CDKAL1: variants seen among roughly 807,000 people sequenced by gnomAD.
The protein encoded by CDKAL1 is CDKAL1 threonylcarbamoyladenosine tRNA methylthiotransferase, also known as threonylcarbamoyladenosine tRNA methylthiotransferase.
CDKAL1 carries 32 observed loss-of-function variants against 68.2 expected under a neutral mutation model. The observed-to-expected ratio is 0.47, with a 90% CI of 0.35 to 0.63. CDKAL1 has a LOEUF of 0.63. Among genes scored for constraint, CDKAL1 ranks in the 30% least tolerant of loss-of-function variants. The probability of loss-of-function intolerance (pLI) is 0.00; values close to 1 mark genes in which losing one functional copy is unlikely to be tolerated. For synonymous variants in CDKAL1, 234 were observed against 244.3 expected, an observed-to-expected ratio of 0.96 and a Z score of 0.39; for missense variants, 606 against 696.7, an observed-to-expected ratio of 0.87 and a Z score of 1.47.
chr6:21,135,425 TC>T, intron 13 of CDKAL1, among the ~76,000 whole-genome samples: 1 of 152,184 alleles, frequency 6.6e-6, no homozygotes, highest in Non-Finnish European at 1.5e-5. Flanking sequence ...TCTGCTACAT[TC>T]ATGAGAGTAT....
At chr6:21,199,035 CTGGATTGT>C (rs1778584613) in intron 14 of CDKAL1, among the ~76,000 whole-genome samples, 1 of 152,222 alleles carries the variant, frequency 6.6e-6, no homozygotes, top group Non-Finnish European at 1.5e-5. Context: ...ACTGATCATT[CTGGATTGT>C]ATTAAAATCA....
chr6:20,802,960 T>C (rs1209194600), intron 8 of CDKAL1, among the ~76,000 whole-genome samples: 1 of 152,190 alleles, frequency 6.6e-6, no homozygotes, highest in Admixed American at 6.5e-5. Context: ...TAACATGTTA[T>C]CTTGACAGAT....
intron 9 of CDKAL1, among the ~76,000 whole-genome samples, chr6:20,942,697 C>A (rs1764043939): frequency 6.7e-6 from 1 of 148,318 alleles, no homozygotes; most frequent in Non-Finnish European, 1.5e-5. Flanking sequence ...TGGCTCATGC[C>A]TGTAATGCCA....
intron 11 of CDKAL1, among the ~76,000 whole-genome samples, chr6:21,028,587 A>G (rs1190204261): frequency 1.3e-5 from 2 of 152,076 alleles, no homozygotes; most frequent in African/African-American, 2.4e-5. Flanking sequence ...AAGGACACCA[A>G]TTCTATCAGC....
chr6:21,172,692 G>T (rs1012200382), intron 13 of CDKAL1, among the ~76,000 whole-genome samples: 1 of 152,176 alleles, frequency 6.6e-6, no homozygotes, highest in Non-Finnish European at 1.5e-5. Flanking sequence ...AGGATTTGAG[G>T]CTGCAGTGAG....
rs185625307 is a variant in CDKAL1 at position 20,797,801 on chromosome 6, T to G, written c.638+16536T>G. Among the ~76,000 whole-genome samples, 280 of 148,300 alleles carry G rather than the reference T, an allele frequency of 1.9e-3. 1 individual carries two copies. The highest frequency in any genetic ancestry group is 6.5e-3 in the African/African-American group (259 of 39,866). On this transcript the variant is annotated intron_variant, in intron 8 of 15. Transcript: ENST00000274695. ...TTTATTTTATTTTATTTTATTTTAT[T>G]TTATTTTATTTTATTTTATTTTATT...
intron 9 of CDKAL1, among the ~76,000 whole-genome samples, chr6:20,863,255 G>T (rs1008945478): frequency 6.6e-6 from 1 of 151,886 alleles, no homozygotes; most frequent in Non-Finnish European, 1.5e-5. Flanking sequence ...TTGTATTTTG[G>T]TCTCAGTTCT....
chr6:20,778,730 A>C (rs1775285550), intron 7 of CDKAL1, among the ~76,000 whole-genome samples: 1 of 152,198 alleles, frequency 6.6e-6, no homozygotes, highest in Non-Finnish European at 1.5e-5. Context: ...TTCAGTGTGA[A>C]TCTGAAAGCC....
At chr6:21,214,433 C>T (rs1344339344) in intron 15 of CDKAL1, among the ~76,000 whole-genome samples, 2 of 152,028 alleles carry the variant, frequency 1.3e-5, no homozygotes, top group African/African-American at 4.8e-5. Context: ...GGTCCCATGC[C>T]TTGACCTCTC....
At chr6:21,080,890 C>T (rs1443594112) in intron 12 of CDKAL1, among the ~76,000 whole-genome samples, 2 of 152,142 alleles carry the variant, frequency 1.3e-5, no homozygotes, top group Non-Finnish European at 2.9e-5. Context: ...ATGTGACTCT[C>T]CTGTTAATTA....
chr6:20,635,265 TCTCC>T (rs1767853578), intron 4 of CDKAL1, among the ~76,000 whole-genome samples: 2 of 152,238 alleles, frequency 1.3e-5, no homozygotes, highest in African/African-American at 4.8e-5. Context: ...AGGGTATTTT[TCTCC>T]CTCCCTTTTT....
At position 20,741,386 on chromosome 6, in the gene CDKAL1, G is replaced by A. The variant is rs1371326274; in HGVS notation, c.468+1771G>A. Among the ~76,000 whole-genome samples, 3 of 151,980 alleles carry A rather than the reference G, an allele frequency of 2.0e-5. No homozygotes were observed. The East Asian group carries it at 5.8e-4, about 29-fold the overall frequency. ...GGTTTGTTATACAGGTTAAACACGCGTCTGTTGTACAGATTATTTTATCAC... is the reference window on the plus strand; with the variant it reads ...GGTTTGTTATACAGGTTAAACACGCATCTGTTGTACAGATTATTTTATCAC... On this transcript the variant is annotated intron_variant, in intron 6 of 15. Transcript: ENST00000274695.
intron 14 of CDKAL1, among the ~76,000 whole-genome samples, chr6:21,198,545 G>C (rs945477830): frequency 6.6e-6 from 1 of 152,182 alleles, no homozygotes; most frequent in Non-Finnish European, 1.5e-5. Context: ...TGGTTGGTTG[G>C]TTGGTTGGTT....
At chr6:20,671,926 A>T (rs894682422) in intron 5 of CDKAL1, among the ~76,000 whole-genome samples, 4 of 152,046 alleles carry the variant, frequency 2.6e-5, no homozygotes, top group Non-Finnish European at 5.9e-5. Context: ...CTATTTACTA[A>T]AAATTTAGTC....
intron 4 of CDKAL1, among the ~76,000 whole-genome samples, chr6:20,549,480 C>A (rs1273427472): frequency 6.6e-6 from 1 of 152,030 alleles, no homozygotes. Flanking sequence ...AACCTTTGGC[C>A]TGTTAATTTT....
chr6:20,699,397 T>C (rs1380932574), intron 5 of CDKAL1, among the ~76,000 whole-genome samples: 1 of 151,222 alleles, frequency 6.6e-6, no homozygotes, highest in African/African-American at 2.4e-5. Flanking sequence ...CCTGTCTGCC[T>C]CTGCCCTTGG....
rs1481904342 is a variant in CDKAL1 at position 21,090,815 on chromosome 6, T to TC, written c.1237-17586_1237-17585insC. On this transcript the variant is annotated intron_variant, in intron 12 of 15. Coordinates refer to ENST00000274695, the MANE Select transcript of CDKAL1 (RefSeq NM_017774.3). ...AATTTTTTCTTTTTTCTTTTTTTTT[T>TC]TTTTTTGAGACAGAGTCTCACTCTG... Among the ~76,000 whole-genome samples, 467 of 150,322 alleles carry TC rather than the reference T, an allele frequency of 3.1e-3. 7 individuals carry two copies. Among genetic ancestry groups the TC allele is most frequent in the African/African-American group, 9.7e-3 (398 of 41,000 alleles).
chr6:21,198,736 C>A (rs564528564), intron 14 of CDKAL1, among the ~76,000 whole-genome samples: 23 of 152,192 alleles, frequency 1.5e-4, no homozygotes, highest in Admixed American at 1.5e-3. Flanking sequence ...TCCCTAGGGG[C>A]GCCCCCAATT....
chr6:20,711,065 G>A (rs1771821190), intron 5 of CDKAL1, among the ~76,000 whole-genome samples: 1 of 152,114 alleles, frequency 6.6e-6, no homozygotes, highest in Non-Finnish European at 1.5e-5. Context: ...CATTCCTCTA[G>A]AGGTGTGGCT....
Sources: gnomAD v4.1 joint callset for allele counts (sites outside exome capture counted in the v4.1 genomes callset) on GRCh38, gnomAD v4.1.1 for gene constraint, MANE v1.5 for transcripts, NCBI Gene and HGNC (gene_info 2026-07-23, HGNC 2026-07-21) for gene names.